Variants in GLE1 observed in about 807,000 individuals in gnomAD.
GLE1 encodes the protein mRNA export factor GLE1.
GLE1 carries 78 observed loss-of-function variants against 97.3 expected under a neutral mutation model. The ratio of observed to expected loss-of-function variants is 0.80; its 90% CI spans 0.67 to 0.97. GLE1 has a LOEUF of 0.97. Among genes scored for constraint, GLE1 ranks in the 50% least tolerant of loss-of-function variants. The pLI is 0.00. For missense variants in GLE1, 753 were observed against 857.5 expected, an observed-to-expected ratio of 0.88 and a Z score of 1.52; for synonymous variants, 302 against 313.4, an observed-to-expected ratio of 0.96 and a Z score of 0.39.
intron 11 of GLE1, among the ~76,000 whole-genome samples, chr9:128,534,916 A>G (rs1028651603): frequency 6.6e-6 from 1 of 151,530 alleles, no homozygotes; most frequent in Non-Finnish European, 1.5e-5. Context: ...ATGGGGTTTC[A>G]CCATGTTGGC....
chr9:128,541,830 GA>G lies in GLE1; in HGVS notation c.*662del, dbSNP rs1159270191. 1 of 152,236 alleles carries G rather than the reference GA, an allele frequency of 6.6e-6. No individual in the cohort carries two copies. The highest frequency in any genetic ancestry group is 1.5e-5 in the Non-Finnish European group (1 of 68,064). The allele number at this position is 152,236 out of a possible 1,614,324, so 9.4% of individuals were successfully genotyped here. On this transcript the variant is annotated 3_prime_UTR_variant, in exon 16 of 16. Transcript: ENST00000309971. ...GGAAACTCTTTGTCATCCTAATTTG[GA>G]ATTTGGTCCCTGGATGGCTAGGGAT...
intron 5 of GLE1, 22 bp downstream of exon 5, chr9:128,523,362 T>G: frequency 6.2e-7 from 1 of 1,601,548 alleles, no homozygotes. Context: ...GCAGAATTGG[T>G]GTGGGTGTTT....
chr9:128,539,321 CCTTA>C (rs1221693335), intron 13 of GLE1, among the ~76,000 whole-genome samples: 12 of 152,182 alleles, frequency 7.9e-5, no homozygotes, highest in African/African-American at 2.9e-4. Context: ...TGTATACTCT[CCTTA>C]CTAAGTTTGG....
rs1218037621 is a variant in GLE1, at chr9:128,527,123, A to G, written c.1130-56A>G. 7.7e-6 allele frequency: 7 copies of G among 907,980 alleles called. No individual in the cohort carries two copies. The African/African-American group carries it at 9.7e-5, about 13-fold the overall frequency. The allele number at this position is 907,980 out of a possible 1,614,324, so 56.2% of individuals were successfully genotyped here. A position where few individuals can be genotyped will look rare whatever the true frequency, so the allele number is the denominator to read the frequency against. ...AAGTGATTATAACAGTGCCTGCCTC[A>G]TATTACATGTTCAGTAAATACTAGC... On this transcript the variant is annotated intron_variant, in intron 7 of 15. Coordinates refer to ENST00000309971, the MANE Select transcript of GLE1 (RefSeq NM_001003722.2).
intron 3 of GLE1, among the ~76,000 whole-genome samples, chr9:128,517,121 C>T (rs1162391580): frequency 6.6e-6 from 1 of 151,648 alleles, no homozygotes; most frequent in Non-Finnish European, 1.5e-5. Flanking sequence ...GAAACCCCAT[C>T]TCTACTAAAA....
At chr9:128,523,883 G>T (rs370507102) in intron 6 of GLE1, 37 bp downstream of exon 6, 1 of 1,609,824 alleles carries the variant, frequency 6.2e-7, no homozygotes, top group African/African-American at 1.3e-5. Context: ...TGCTGTCTTT[G>T]AAATGGAAGC....
At position 128,538,009 on chromosome 9, in the gene GLE1, TGG is replaced by T; in HGVS notation, c.1801_1802del (p.Gly601MetfsTer23). ...QEIHPHGLNHGWRWLAQILNM... is the reference protein window; with the variant it reads ...QEIHPHGLNHXWRWLAQILNM... ...AGATTCACCCTCATGGCTTAAATCA[TGG>T]ATGGCGCTGGTTGGCACAGATCTTA... On this transcript the variant is annotated frameshift_variant, in exon 13 of 16. Coordinates refer to ENST00000309971, the MANE Select transcript of GLE1 (RefSeq NM_001003722.2). LOFTEE classifies it high-confidence loss of function. The T allele has an allele frequency of 6.2e-7, 1 of 1,610,704 alleles. No homozygotes were observed. Among genetic ancestry groups the T allele is most frequent in the Non-Finnish European group, 8.5e-7 (1 of 1,176,874 alleles).
intron 7 of GLE1, 34 bp downstream of exon 7, chr9:128,525,457 G>A (rs1415104245): frequency 4.7e-6 from 6 of 1,276,706 alleles, no homozygotes; most frequent in Non-Finnish European, 5.6e-6. Context: ...CCTTTAACTC[G>A]TAAGTTTCAA....
intron 13 of GLE1, 76 bp downstream of exon 13, chr9:128,538,166 GAAACAGCATAGCATTTGGGCCTGATAGTA>G: frequency 1.3e-6 from 1 of 791,548 alleles, no homozygotes; most frequent in Non-Finnish European, 2.2e-6. Context: ...CATGAATGGG[GAAACAGCATAGCATTTGGGCCTGATAGTA>G]AAACAGCATG....
chr9:128,526,378 C>T (rs985764590), intron 7 of GLE1, among the ~76,000 whole-genome samples: 18 of 147,770 alleles, frequency 1.2e-4, no homozygotes, highest in African/African-American at 4.5e-4. Context: ...TTTTTTGAGA[C>T]AGAGTTTTGC....
At chr9:128,528,003 CTTT>C (rs754132202) in intron 9 of GLE1, among the ~76,000 whole-genome samples, 3 of 111,394 alleles carry the variant, frequency 2.7e-5, no homozygotes, top group Non-Finnish European at 5.3e-5. Flanking sequence ...TTCTTTTTTT[CTTT>C]TTTTTTTTTT....
chr9:128,510,753 T>C (rs1482291091), intron 2 of GLE1, among the ~76,000 whole-genome samples: 1 of 145,122 alleles, frequency 6.9e-6, no homozygotes, highest in Non-Finnish European at 1.5e-5. Flanking sequence ...GGTCTCAAAC[T>C]ACTGACCTCA....
At chr9:128,538,718 C>T (rs905841494) in intron 13 of GLE1, among the ~76,000 whole-genome samples, 8 of 152,128 alleles carry the variant, frequency 5.3e-5, no homozygotes, top group Non-Finnish European at 8.8e-5. Context: ...ATCGCTTGAA[C>T]AGGATCTCAC....
chr9:128,511,052 A>G (rs1168369099), intron 2 of GLE1, among the ~76,000 whole-genome samples: 1 of 151,060 alleles, frequency 6.6e-6, no homozygotes, highest in Non-Finnish European at 1.5e-5. Context: ...TAAAAATACA[A>G]AATTAGCTGG....
intron 13 of GLE1, among the ~76,000 whole-genome samples, chr9:128,538,661 T>TG (rs1359947650): frequency 3.9e-5 from 6 of 152,276 alleles, no homozygotes; most frequent in African/African-American, 1.2e-4. Context: ...CCGGGTGTGA[T>TG]GGTGCACACC....
chr9:128,505,472 A>G (rs192992216), intron 1 of GLE1, among the ~76,000 whole-genome samples: 2 of 152,282 alleles, frequency 1.3e-5, no homozygotes, highest in East Asian at 1.9e-4. Flanking sequence ...CTGCATCCTC[A>G]GACTTCTTGG....
In GLE1 at chr9:128,523,685, C is replaced by T. The variant is rs749023008; in HGVS notation, c.736C>T (p.Arg246Trp). 1.5e-5 allele frequency: 24 copies of T among 1,613,964 alleles called. No individual in the cohort carries two copies. The highest frequency in any genetic ancestry group is 8.0e-5 in the African/African-American group (6 of 74,910). ...GAAGGAAGAAGGCCAGATCCGCCTG[C>T]GGGCCCTCTATGCTCTGCAGGAGGA... ...LRKEEGQIRL[R>W]ALYALQEEML... is the part of the protein sequence containing the mutation. Residue 246 changes from arginine (R) to tryptophan (W), a missense_variant, in exon 6 of 16, where the codon CGG becomes TGG. Arg to Trp is a moderately radical substitution (Grantham distance 101, BLOSUM62 -3). Transcript: ENST00000309971.
At position 128,508,993 on chromosome 9, in the gene GLE1, T is replaced by A. The variant is rs763372143; in HGVS notation, c.217T>A (p.Ser73Thr). 37 of 1,612,864 alleles carry A rather than the reference T, an allele frequency of 2.3e-5. No individual in the cohort carries two copies. Among genetic ancestry groups the A allele is most frequent in the Non-Finnish European group, 3.0e-5 (35 of 1,178,936 alleles). ...NQPLSETSPS[S>T]TSASALDQPS... ...ACCTCTGTCTGAGACTTCGCCATCC[T>A]CTACGTCAGCTTCAGCCCTAGATCA... Residue 73 changes from serine (S) to threonine (T), a missense_variant, in exon 2 of 16, where the codon TCT (serine) becomes ACT (threonine). Ser to Thr is a moderately conservative substitution (Grantham distance 58). Coordinates refer to ENST00000309971, the MANE Select transcript of GLE1 (RefSeq NM_001003722.2).
chr9:128,520,704 T>C lies in GLE1; in HGVS notation c.433-1964T>C, dbSNP rs1176228671. 2.0e-5 allele frequency among the ~76,000 whole-genome samples: 3 copies of C among 151,632 alleles called. No individual in the cohort carries two copies. The East Asian group carries it at 5.8e-4, about 29-fold the overall frequency. ...TTCTCACACACATCGTGTGTGTGTG[T>C]GTGTATCCTTGGGTTTTCTCAGCTC... is the stretch of plus-strand genomic sequence containing the variant. On this transcript the variant is annotated intron_variant, in intron 3 of 15. Coordinates refer to ENST00000309971, the MANE Select transcript of GLE1 (RefSeq NM_001003722.2).
Sources: allele counts gnomAD v4.1 joint callset (sites outside exome capture counted in the v4.1 genomes callset), GRCh38; gene constraint gnomAD v4.1.1; transcripts MANE v1.5; gene names NCBI Gene and HGNC (gene_info 2026-07-23, HGNC 2026-07-21).